Variants in STXBP5 observed in about 807,000 individuals in gnomAD.
STXBP5 encodes syntaxin-binding protein 5.
STXBP5 carries 50 observed loss-of-function variants against 152.4 expected under a neutral mutation model. The observed-to-expected ratio is 0.33, with a 90% CI of 0.26 to 0.42. The LOEUF (loss-of-function observed/expected upper bound fraction) is 0.42. STXBP5 is among the 10% of genes least tolerant of loss of function. STXBP5 has a pLI of 1.00. For missense variants in STXBP5, 1,167 were observed against 1,388.6 expected, an observed-to-expected ratio of 0.84 and a Z score of 2.54; for synonymous variants, 492 against 494.7, an observed-to-expected ratio of 0.99 and a Z score of 0.07.
intron 2 of STXBP5, among the ~76,000 whole-genome samples, chr6:147,225,604 C>T (rs188052429): frequency 5.3e-5 from 8 of 152,228 alleles, no homozygotes; most frequent in Admixed American, 5.2e-4. Flanking sequence ...CTGTCTCATT[C>T]TTCATATAAA....
intron 23 of STXBP5, among the ~76,000 whole-genome samples, chr6:147,361,611 A>C (rs1450971911): frequency 6.6e-6 from 1 of 152,130 alleles, no homozygotes; most frequent in African/African-American, 2.4e-5. Context: ...CTTCAAGAGG[A>C]AGATTCAACA....
chr6:147,354,514 A>G (rs1286570408), intron 22 of STXBP5, among the ~76,000 whole-genome samples: 1 of 152,010 alleles, frequency 6.6e-6, no homozygotes, highest in Non-Finnish European at 1.5e-5. Flanking sequence ...TGAGGCACAC[A>G]GTGTGCATTT....
rs1783903002 is a variant in STXBP5 at position 147,337,777 on chromosome 6, T to A, written c.2147-1402T>A. Among the ~76,000 whole-genome samples the A allele has an allele frequency of 3.9e-5, 6 of 152,106 alleles. No individual in the cohort carries two copies. The South Asian group carries it at 1.2e-3, about 32-fold the overall frequency. On this transcript the variant is annotated intron_variant, in intron 19 of 27. Transcript: ENST00000321680. ...TATGTATTTCTGTTCCTGGAAATGTTACTGAGCTCAGTGTTACGTGTGTGA... is the reference window on the plus strand; with the variant it reads ...TATGTATTTCTGTTCCTGGAAATGTAACTGAGCTCAGTGTTACGTGTGTGA...
intron 8 of STXBP5, among the ~76,000 whole-genome samples, chr6:147,288,820 G>A (rs1781127115): frequency 6.6e-6 from 1 of 152,166 alleles, no homozygotes; most frequent in African/African-American, 2.4e-5. Context: ...ATCCAGGTGG[G>A]CAACTTGGAA....
chr6:147,261,704 G>A (rs916299339), intron 5 of STXBP5, among the ~76,000 whole-genome samples: 11 of 151,910 alleles, frequency 7.2e-5, no homozygotes, highest in African/African-American at 2.7e-4. Context: ...TAGGCCTAGT[G>A]CAGGTGTCTG....
chr6:147,267,161 T>C lies in STXBP5; in HGVS notation c.708T>C (p.Tyr236=). ...KSKKADYRYT[Y]DEAIHSVAWH... Reference sequence around the variant, plus strand: ...AGAAAGCCGACTACAGATACACATATGATGAGGTAATATTATTTTTGCTAG... The same window carrying C: ...AGAAAGCCGACTACAGATACACATACGATGAGGTAATATTATTTTTGCTAG... Residue 236 remains tyrosine (Y), a synonymous_variant, in exon 7 of 28, where the codon TAT becomes TAC. Coordinates refer to ENST00000321680, the MANE Select transcript of STXBP5 (RefSeq NM_001127715.4). 3 of 1,600,288 alleles carry C rather than the reference T, an allele frequency of 1.9e-6. No individual in the cohort carries two copies. The highest frequency in any genetic ancestry group is 1.4e-5 in the African/African-American group (1 of 73,948).
chr6:147,354,669 T>C (rs1784737710), intron 22 of STXBP5, among the ~76,000 whole-genome samples: 1 of 152,140 alleles, frequency 6.6e-6, no homozygotes, highest in Admixed American at 6.6e-5. Flanking sequence ...ACTTTTAAAA[T>C]TATAAAAAAT....
intron 6 of STXBP5, 122 bp downstream of exon 6, chr6:147,262,475 A>G (rs984532101): frequency 1.5e-5 from 8 of 538,940 alleles, no homozygotes; most frequent in Non-Finnish European, 2.6e-5. Context: ...TGTGTATCAT[A>G]TACAGTTAAT....
chr6:147,237,068 G>A lies in STXBP5; in HGVS notation c.330+1737G>A, dbSNP rs114240762. ...TGGGATTGTAGGTGTGAGCCACCAC[G>A]CCTGACCTGTTCTTCATTTTTATAC... is the stretch of plus-strand genomic sequence containing the variant. On this transcript the variant is annotated intron_variant, in intron 3 of 27. Transcript: ENST00000321680. Among the ~76,000 whole-genome samples the A allele has an allele frequency of 1.2e-3, 190 of 152,080 alleles. 1 individual carries two copies. The highest frequency in any genetic ancestry group is 4.2e-3 in the African/African-American group (173 of 41,478).
At chr6:147,227,913 A>T (rs143534575) in intron 2 of STXBP5, among the ~76,000 whole-genome samples, 1 of 151,736 alleles carries the variant, frequency 6.6e-6, no homozygotes, top group Non-Finnish European at 1.5e-5. Flanking sequence ...CACTTCCCTT[A>T]TGCATTGGCT....
chr6:147,343,370 T>G (rs895104503), intron 21 of STXBP5, among the ~76,000 whole-genome samples: 1 of 152,160 alleles, frequency 6.6e-6, no homozygotes, highest in Non-Finnish European at 1.5e-5. Flanking sequence ...TCTCAGTGAT[T>G]CCTTTTTTAA....
chr6:147,299,773 G>A (rs999641049), intron 9 of STXBP5, among the ~76,000 whole-genome samples: 2 of 151,932 alleles, frequency 1.3e-5, no homozygotes, highest in Non-Finnish European at 2.9e-5. Context: ...GGAATTTCTT[G>A]TGCACTTTCA....
At position 147,385,002 on chromosome 6, in the gene STXBP5, G is replaced by A. The variant is rs1196583772; in HGVS notation, c.*247G>A. 6 of 477,446 alleles carry A rather than the reference G, an allele frequency of 1.3e-5. No homozygotes were observed. The highest frequency in any genetic ancestry group is 3.9e-5 in the Admixed American group (1 of 25,414). The allele number at this position is 477,446 out of a possible 1,614,324, so 29.6% of individuals were successfully genotyped here. ...CATTTGGGAATTAAACAGGTCACACGTGACAGATGAAGAAACCAAGGGGGC... is the reference window on the plus strand; with the variant it reads ...CATTTGGGAATTAAACAGGTCACACATGACAGATGAAGAAACCAAGGGGGC... On this transcript the variant is annotated 3_prime_UTR_variant, in exon 28 of 28. Coordinates refer to ENST00000321680, the MANE Select transcript of STXBP5 (RefSeq NM_001127715.4).
intron 16 of STXBP5, among the ~76,000 whole-genome samples, chr6:147,317,629 T>C (rs1050665359): frequency 1.3e-5 from 2 of 152,126 alleles, no homozygotes; most frequent in Non-Finnish European, 2.9e-5. Flanking sequence ...ATCCAAACAG[T>C]ATATACCCAT....
At chr6:147,372,144 G>A (rs778374022) in intron 25 of STXBP5, among the ~76,000 whole-genome samples, 6 of 151,952 alleles carry the variant, frequency 3.9e-5, no homozygotes, top group Non-Finnish European at 8.8e-5. Context: ...AAATAAAAAC[G>A]TAAGAGCTTC....
rs34913817 is a variant in STXBP5 at position 147,329,617 on chromosome 6, C to CTTTTTTTTTTTTT, written c.2080+2355_2080+2367dup. 5.6e-5 allele frequency among the ~76,000 whole-genome samples: 4 copies of CTTTTTTTTTTTTT among 71,706 alleles called. 1 individual carries two copies. Among genetic ancestry groups the CTTTTTTTTTTTTT allele is most frequent in the Non-Finnish European group, 7.2e-5 (3 of 41,932 alleles). 47.0% of individuals were successfully genotyped at this position (71,706 alleles called of 152,430 possible). A position where few individuals can be genotyped will look rare whatever the true frequency, so the allele number is the denominator to read the frequency against. On this transcript the variant is annotated intron_variant, in intron 18 of 27. Coordinates refer to ENST00000321680, the MANE Select transcript of STXBP5 (RefSeq NM_001127715.4). Reference sequence around the variant, plus strand: ...AAATATCATCAAATTGTTCTTCAGGCTTTTTTTTTTTTTTTTTTTTTTTTT... The same window carrying CTTTTTTTTTTTTT: ...AAATATCATCAAATTGTTCTTCAGGCTTTTTTTTTTTTTTTTTTTTTTTTTTTTTTTTTTTTTT...
At chr6:147,285,150 G>A (rs1047472465) in intron 8 of STXBP5, among the ~76,000 whole-genome samples, 10 of 152,130 alleles carry the variant, frequency 6.6e-5, no homozygotes, top group African/African-American at 2.4e-4. Context: ...AAGTTTATGT[G>A]AGTTATTAAG....
chr6:147,236,161 G>A (rs1279047254), intron 3 of STXBP5, among the ~76,000 whole-genome samples: 1 of 152,150 alleles, frequency 6.6e-6, no homozygotes, highest in Non-Finnish European at 1.5e-5. Flanking sequence ...CATCATGGGT[G>A]TAAAAAGATA....
At chr6:147,384,141 C>T (rs1786228597) in intron 27 of STXBP5, among the ~76,000 whole-genome samples, 1 of 152,146 alleles carries the variant, frequency 6.6e-6, no homozygotes. Context: ...GAAGACAGTA[C>T]ATTGAGGTAG....
Sources: allele counts gnomAD v4.1 joint callset (sites outside exome capture counted in the v4.1 genomes callset), GRCh38; gene constraint gnomAD v4.1.1; transcripts MANE v1.5; gene names NCBI Gene and HGNC (gene_info 2026-07-23, HGNC 2026-07-21).